Variants in KANSL1 observed in about 807,000 individuals in gnomAD.
KANSL1 encodes the protein KAT8 regulatory NSL complex subunit 1.
A neutral mutation model predicts 103.6 loss-of-function variants in KANSL1; 22 were observed. The observed-to-expected ratio is 0.21, with a 90% CI of 0.15 to 0.30. KANSL1 has a LOEUF of 0.30. KANSL1 is among the 10% of genes least tolerant of loss of function. The pLI, the probability that KANSL1 is intolerant of heterozygous loss-of-function variation, is 1.00. For synonymous variants in KANSL1, 600 were observed against 527.6 expected, an observed-to-expected ratio of 1.14 and a Z score of -1.88; for missense variants, 1,337 against 1,399.8, an observed-to-expected ratio of 0.96 and a Z score of 0.72.
intron 2 of KANSL1, among the ~76,000 whole-genome samples, chr17:46,106,485 C>G (rs993699456): frequency 6.6e-6 from 1 of 152,100 alleles, no homozygotes; most frequent in African/African-American, 2.4e-5. Context: ...CTCTGCCTCA[C>G]GGGTTCAAGC....
intron 1 of KANSL1, among the ~76,000 whole-genome samples, chr17:46,181,862 T>C (rs1347633116): frequency 1.3e-5 from 2 of 151,932 alleles, no homozygotes; most frequent in African/African-American, 2.4e-5. Flanking sequence ...TTGCTACCTC[T>C]ACCTGGAAGG....
intron 2 of KANSL1, chr17:46,148,085 A>C (rs980116313): frequency 1.3e-5 from 2 of 152,244 alleles, no homozygotes; most frequent in East Asian, 3.8e-4. Context: ...GGTTTATAAA[A>C]AGTAATTAGC....
intron 6 of KANSL1, among the ~76,000 whole-genome samples, chr17:46,062,118 CAAAAAAAAAAA>C (rs66529773): frequency 1.8e-5 from 2 of 108,780 alleles, no homozygotes; most frequent in African/African-American, 3.6e-5. Context: ...AACAAACAAA[CAAAAAAAAAAA>C]AAAAACATGT....
At chr17:46,044,432 G>A (rs923434533) in intron 7 of KANSL1, 3 of 152,174 alleles carry the variant, frequency 2.0e-5, no homozygotes, top group Non-Finnish European at 2.9e-5. Context: ...CGGGTGTTTT[G>A]TAATGCTCAC....
At chr17:46,124,889 T>C (rs1041466932) in intron 2 of KANSL1, among the ~76,000 whole-genome samples, 2 of 151,386 alleles carry the variant, frequency 1.3e-5, no homozygotes, top group African/African-American at 4.9e-5. Context: ...CTGACTCTCA[T>C]GGATAACTGA....
Position 46,171,667 on chromosome 17 carries a change from C to A in KANSL1, c.477G>T (p.Lys159Asn), listed in dbSNP as rs188294801. 171 of 1,551,928 alleles carry A rather than the reference C, an allele frequency of 1.1e-4. No homozygotes were observed. The highest frequency in any genetic ancestry group is 1.2e-4 in the Non-Finnish European group (135 of 1,153,572). The change falls in exon 2 of 15, where the codon AAG becomes AAT. Residue 159 changes from lysine to asparagine, a missense_variant. By Grantham distance (94) the Lys-to-Asn change is moderately conservative. This residue lies in a region of KANSL1 where 557 missense variants were observed against 476.4 expected (regional missense o/e 1.17). Coordinates refer to ENST00000432791, the MANE Select transcript of KANSL1 (RefSeq NM_015443.4). ...LPQAPVNGLA[K>N]KLTKSSTHSD... ...AATGTGTTGAACTTTTAGTCAATTT[C>A]TTAGCCAACCCATTTACAGGTGCTT...
At chr17:46,130,226 C>A (rs947467070) in intron 2 of KANSL1, among the ~76,000 whole-genome samples, 5 of 132,262 alleles carry the variant, frequency 3.8e-5, no homozygotes, top group Non-Finnish European at 8.7e-5. Context: ...ACTAGGGAGG[C>A]TTTTAAAACA....
At chr17:46,139,196 T>C (rs1228492454) in intron 2 of KANSL1, among the ~76,000 whole-genome samples, 1 of 152,092 alleles carries the variant, frequency 6.6e-6, no homozygotes, top group East Asian at 1.9e-4. Flanking sequence ...ATTTACCTCT[T>C]AGCCTTTATT....
intron 2 of KANSL1, among the ~76,000 whole-genome samples, chr17:46,136,788 A>G (rs2044166917): frequency 6.6e-6 from 1 of 152,282 alleles, no homozygotes; most frequent in Non-Finnish European, 1.5e-5. Flanking sequence ...CAGAAAGACA[A>G]AAGCACTTTT....
intron 2 of KANSL1, among the ~76,000 whole-genome samples, chr17:46,118,152 C>A (rs1486467270): frequency 6.6e-6 from 1 of 152,158 alleles, no homozygotes; most frequent in Non-Finnish European, 1.5e-5. Flanking sequence ...TGTTTTTAAA[C>A]TCTTAGATAA....
At chr17:46,128,948 C>A (rs1198989825) in intron 2 of KANSL1, among the ~76,000 whole-genome samples, 2 of 152,080 alleles carry the variant, frequency 1.3e-5, no homozygotes, top group African/African-American at 4.8e-5. Context: ...TGGGAGGCTG[C>A]GAAGGTTGTC....
chr17:46,076,241 T>A (rs62060842), intron 4 of KANSL1, among the ~76,000 whole-genome samples: 21,576 of 152,188 alleles, frequency 0.14, 2,094 homozygotes, highest in Non-Finnish European at 0.22. Context: ...ACGCCTGTAA[T>A]CCCAGCACTT....
intron 6 of KANSL1, among the ~76,000 whole-genome samples, chr17:46,062,120 A>AC (rs796813365): frequency 0.04 from 3,498 of 88,098 alleles, 219 homozygotes; most frequent in African/African-American, 0.12. Flanking sequence ...CAAACAAACA[A>AC]AAAAAAAAAA....
chr17:46,121,102 A>G (rs2043258970), intron 2 of KANSL1, among the ~76,000 whole-genome samples: 1 of 152,042 alleles, frequency 6.6e-6, no homozygotes, highest in Non-Finnish European at 1.5e-5. Context: ...TTGAACCTTA[A>G]TTCTCACACT....
chr17:46,111,215 A>T (rs1376616511), intron 2 of KANSL1, among the ~76,000 whole-genome samples: 1 of 152,206 alleles, frequency 6.6e-6, no homozygotes, highest in Non-Finnish European at 1.5e-5. Context: ...GAAAACACTG[A>T]AAGATAATTT....
intron 3 of KANSL1, among the ~76,000 whole-genome samples, chr17:46,090,274 C>T (rs1362033068): frequency 6.6e-6 from 1 of 152,214 alleles, no homozygotes; most frequent in Non-Finnish European, 1.5e-5. Flanking sequence ...GCCCTTTTGA[C>T]ACCATAATTT....
intron 3 of KANSL1, chr17:46,088,806 T>C (rs1378647181): frequency 6.6e-6 from 1 of 152,354 alleles, no homozygotes; most frequent in African/African-American, 2.4e-5. Flanking sequence ...GGAGGATAGC[T>C]TGAGCCCAGG....
chr17:46,124,426 G>A (rs2043423882), intron 2 of KANSL1, among the ~76,000 whole-genome samples: 1 of 152,188 alleles, frequency 6.6e-6, no homozygotes, highest in Non-Finnish European at 1.5e-5. Flanking sequence ...ACCATTGCCG[G>A]AGAGGTCTGA....
At chr17:46,174,188 ATGTGTG>A (rs72149400) in intron 1 of KANSL1, among the ~76,000 whole-genome samples, 1 of 151,808 alleles carries the variant, frequency 6.6e-6, no homozygotes, top group Non-Finnish European at 1.5e-5. Context: ...GTGGGTGTGG[ATGTGTG>A]TGTGTGTGTT....
Sources: allele counts gnomAD v4.1 joint callset (sites outside exome capture counted in the v4.1 genomes callset), GRCh38; gene constraint gnomAD v4.1.1; regional missense constraint gnomAD v4.1.1; transcripts MANE v1.5; gene names NCBI Gene and HGNC (gene_info 2026-07-23, HGNC 2026-07-21).